Variants in TBX20 observed in about 807,000 individuals in gnomAD.
The protein encoded by TBX20 is T-box transcription factor 20.
Under a neutral mutation model 42.9 loss-of-function variants are expected in TBX20, and 8 were observed. The ratio of observed to expected loss-of-function variants is 0.19; its 90% CI spans 0.11 to 0.34. The LOEUF (loss-of-function observed/expected upper bound fraction) is 0.34, where lower values mean the gene tolerates loss of function less well. Among genes scored for constraint, TBX20 ranks in the 10% least tolerant of loss-of-function variants. The pLI is 1.00. For synonymous variants in TBX20, 198 were observed against 222.8 expected (o/e 0.89, Z 0.99); for missense variants, 411 against 566.0 (o/e 0.73, Z 2.78).
At chr7:35,219,033 T>C (rs576343663) in intron 6 of TBX20, among the ~76,000 whole-genome samples, 3 of 152,346 alleles carry the variant, frequency 2.0e-5, no homozygotes, top group Non-Finnish European at 2.9e-5. Flanking sequence ...GTTTATAAGC[T>C]ACCTTGTTTA....
rs553266951 is a variant in TBX20, at chr7:35,213,338, G to T, written c.891-8756C>A. Among the ~76,000 whole-genome samples, 212 of 152,220 alleles carry T rather than the reference G, an allele frequency of 1.4e-3. 1 individual carries two copies. Among genetic ancestry groups the T allele is most frequent in the African/African-American group, 4.7e-3 (197 of 41,546 alleles). On this transcript the variant is annotated intron_variant, in intron 6 of 7. Coordinates refer to ENST00000408931, the MANE Select transcript of TBX20 (RefSeq NM_001077653.2). ...CAATTAAATCACAATCTTTGGGAGT[G>T]GGAGACAGGCTTCAGTAATTGTTAA...
chr7:35,243,842 T>C (rs944887134), intron 4 of TBX20, among the ~76,000 whole-genome samples: 1 of 152,220 alleles, frequency 6.6e-6, no homozygotes, highest in Non-Finnish European at 1.5e-5. Flanking sequence ...GTTAAGTGGG[T>C]ACCCTGACTT....
chr7:35,221,473 A>G (rs915407096), intron 6 of TBX20, among the ~76,000 whole-genome samples: 5 of 152,142 alleles, frequency 3.3e-5, no homozygotes, highest in African/African-American at 1.2e-4. Context: ...CTTTCTAGAA[A>G]CATTTTGTCC....
Position 35,235,291 on chromosome 7 carries a change from GAA to G in TBX20, c.814-3713_814-3712del, listed in dbSNP as rs61628631. Among the ~76,000 whole-genome samples the G allele has an allele frequency of 5.1e-3, 576 of 113,534 alleles. 9 individuals are homozygous for G. The highest frequency in any genetic ancestry group is 0.014 in the African/African-American group (458 of 33,170). The allele number at this position is 113,534 out of a possible 152,430, so 74.5% of individuals were successfully genotyped here. A position where few individuals can be genotyped will look rare whatever the true frequency, so the allele number is the denominator to read the frequency against. On this transcript the variant is annotated intron_variant, in intron 5 of 7. Transcript: ENST00000408931. ...TCTCTTTATGAAATTTGGGATAACT[GAA>G]AAAAAAAAAAACAACACTGAGAACT...
At chr7:35,219,760 T>C (rs1789649599) in intron 6 of TBX20, among the ~76,000 whole-genome samples, 1 of 152,234 alleles carries the variant, frequency 6.6e-6, no homozygotes, top group Admixed American at 6.5e-5. Context: ...TTCTTCATTA[T>C]GTTGATGTAG....
chr7:35,215,359 A>G (rs1789565733), intron 6 of TBX20, among the ~76,000 whole-genome samples: 1 of 152,208 alleles, frequency 6.6e-6, no homozygotes, highest in Admixed American at 6.5e-5. Flanking sequence ...AAGAGTAGTC[A>G]GGCCATGATG....
chr7:35,239,711 C>A (rs182336421), intron 5 of TBX20, among the ~76,000 whole-genome samples: 70 of 152,022 alleles, frequency 4.6e-4, no homozygotes, highest in African/African-American at 1.7e-3. Context: ...TTGGAATAAG[C>A]CCTATGGATG....
At chr7:35,247,207 T>G (rs1300313213) in intron 3 of TBX20, among the ~76,000 whole-genome samples, 2 of 122,452 alleles carry the variant, frequency 1.6e-5, no homozygotes, top group Non-Finnish European at 1.7e-5. Context: ...TTGTAGAAAA[T>G]GGTTAGGAAT....
intron 5 of TBX20, among the ~76,000 whole-genome samples, chr7:35,239,254 C>A (rs1484466798): frequency 6.6e-6 from 1 of 152,136 alleles, no homozygotes; most frequent in African/African-American, 2.4e-5. Context: ...TCTTGCCTTT[C>A]CCGAGGGTCT....
intron 6 of TBX20, among the ~76,000 whole-genome samples, chr7:35,209,434 G>C (rs1200830384): frequency 1.3e-5 from 2 of 152,078 alleles, no homozygotes; most frequent in African/African-American, 4.8e-5. Flanking sequence ...TGTTTAAATT[G>C]TTAACATTTT....
chr7:35,203,994 C>T (rs534830278), intron 7 of TBX20, among the ~76,000 whole-genome samples: 1 of 152,308 alleles, frequency 6.6e-6, no homozygotes, highest in South Asian at 2.1e-4. Context: ...GGGGCCACTT[C>T]CTCTATGTAA....
Position 35,221,269 on chromosome 7 carries a change from C to A in TBX20, c.890+10235G>T, listed in dbSNP as rs1417938454. The stretch of plus-strand genomic sequence containing the variant: ...AATCTCTATTTCCTATTATATAGGA[C>A]AACAAAATATACACTTTCGGTCTGG... On this transcript the variant is annotated intron_variant, in intron 6 of 7. Coordinates refer to ENST00000408931, the MANE Select transcript of TBX20 (RefSeq NM_001077653.2). Among the ~76,000 whole-genome samples, 191 of 77,850 alleles carry A rather than the reference C, an allele frequency of 2.5e-3. 1 individual carries two copies. Among genetic ancestry groups the A allele is most frequent in the Middle Eastern group, 0.013 (1 of 78 alleles). 51.1% of individuals were successfully genotyped at this position (77,850 alleles called of 152,430 possible).
chr7:35,224,033 CA>C (rs887314636), intron 6 of TBX20, among the ~76,000 whole-genome samples: 2 of 152,116 alleles, frequency 1.3e-5, no homozygotes, highest in Admixed American at 1.3e-4. Context: ...GAGACAAAAA[CA>C]ATTACATGGG....
At chr7:35,241,296 G>A (rs1160844846) in intron 4 of TBX20, among the ~76,000 whole-genome samples, 3 of 152,210 alleles carry the variant, frequency 2.0e-5, no homozygotes, top group Non-Finnish European at 4.4e-5. Flanking sequence ...AAGGGGAGAG[G>A]TCATCTGAAG....
intron 3 of TBX20, among the ~76,000 whole-genome samples, chr7:35,247,519 A>G (rs1215329847): frequency 2.0e-5 from 3 of 152,100 alleles, no homozygotes; most frequent in Non-Finnish European, 4.4e-5. Context: ...TTTCTAGTGC[A>G]CTTAGCATAC....
At chr7:35,218,220 G>A (rs143413600) in intron 6 of TBX20, among the ~76,000 whole-genome samples, 1 of 152,268 alleles carries the variant, frequency 6.6e-6, no homozygotes, top group Admixed American at 6.5e-5. Context: ...AAGACGTGGT[G>A]GAATGGATTA....
At chr7:35,245,246 T>C (rs988584602) in intron 3 of TBX20, among the ~76,000 whole-genome samples, 189 bp from the exon 4 acceptor site, 1 of 152,068 alleles carries the variant, frequency 6.6e-6, no homozygotes, top group Non-Finnish European at 1.5e-5. Flanking sequence ...TATTTCTTCA[T>C]GTACCAATTA....
At chr7:35,205,711 A>C (rs1417696070) in intron 6 of TBX20, among the ~76,000 whole-genome samples, 1 of 152,220 alleles carries the variant, frequency 6.6e-6, no homozygotes, top group Admixed American at 6.5e-5. Flanking sequence ...CACATAGATG[A>C]AGGCATTTTA....
intron 6 of TBX20, among the ~76,000 whole-genome samples, chr7:35,213,293 C>T (rs2128710898): frequency 6.6e-6 from 1 of 152,308 alleles, no homozygotes; most frequent in African/African-American, 2.4e-5. Flanking sequence ...AATTCCAAAG[C>T]TGACACCACA....
Sources: allele counts gnomAD v4.1 joint callset (sites outside exome capture counted in the v4.1 genomes callset), GRCh38; gene constraint gnomAD v4.1.1; transcripts MANE v1.5; gene names NCBI Gene and HGNC (gene_info 2026-07-23, HGNC 2026-07-21).